The following DST variants were observed in gnomAD, a reference collection of about 807,000 sequenced individuals.
DST encodes dystonin, also known as bullous pemphigoid antigen.
DST carries 253 observed loss-of-function variants against 875.2 expected under a neutral mutation model. That is an observed-to-expected ratio of 0.29 (90% CI 0.26 to 0.32). DST has a LOEUF of 0.32. Ranked by LOEUF, DST falls within the 10% of genes least tolerant of loss-of-function variation. The pLI is 1.00. For synonymous variants in DST, 3,124 were observed against 3,197.1 expected (o/e 0.98, Z 0.77); for missense variants, 8,287 against 9,111.6 (o/e 0.91, Z 3.68).
intron 32 of DST, among the ~76,000 whole-genome samples, chr6:56,629,006 C>T (rs965731439): frequency 1.3e-5 from 2 of 152,016 alleles, no homozygotes; most frequent in Non-Finnish European, 2.9e-5. Flanking sequence ...TCAGAAAAGG[C>T]AAGCAGATTA....
At chr6:56,557,858 A>G (rs1250933099) in intron 58 of DST, among the ~76,000 whole-genome samples, 1 of 152,158 alleles carries the variant, frequency 6.6e-6, no homozygotes, top group African/African-American at 2.4e-5. Context: ...ACAATGAACA[A>G]TAATCCTTTT....
Position 56,593,989 on chromosome 6 carries a change from C to T in DST, c.12400G>A (p.Glu4134Lys), listed in dbSNP as rs2152688788. ...TCAGCATCAAACTTTTCTAATTCTT[C>T]CTGCAGAGAGTGAGTTAACTTCATT... is the stretch of plus-strand genomic sequence containing the variant. Reference protein sequence around the residue: ...KKMKLTHSLQEELEKFDADYT... With the variant: ...KKMKLTHSLQKELEKFDADYT... Residue 4134 changes from glutamate (E) to lysine (K), a missense_variant, in exon 48 of 104, where the codon GAA (glutamate) becomes AAA (lysine). Transcript: ENST00000680361. 6.2e-7 allele frequency: 1 copy of T among 1,613,904 alleles called. No homozygotes were observed. Among genetic ancestry groups the T allele is most frequent in the Middle Eastern group, 1.7e-4 (1 of 6,060 alleles).
chr6:56,798,021 G>T lies in DST; in HGVS notation c.625+53376C>A, dbSNP rs114432632. On this transcript the variant is annotated intron_variant, in intron 4 of 103. Transcript: ENST00000680361. Reference sequence around the variant, plus strand: ...GCAGAAGAAAGATTTGAAGCTAGCAGTAGGTTCGTAAGATTTAAGGAAAGA... The same window carrying T: ...GCAGAAGAAAGATTTGAAGCTAGCATTAGGTTCGTAAGATTTAAGGAAAGA... Among the ~76,000 whole-genome samples, 378 of 152,258 alleles carry T rather than the reference G, an allele frequency of 2.5e-3. 1 individual carries two copies. The highest frequency in any genetic ancestry group is 8.8e-3 in the African/African-American group (366 of 41,554).
At chr6:56,615,772 CA>C in intron 36 of DST, 1 of 1,614,166 alleles carries the variant, frequency 6.2e-7, no homozygotes, top group Non-Finnish European at 8.5e-7. Context: ...GTGGCTCTAT[CA>C]ACCCTCCTGT....
intron 36 of DST, chr6:56,620,633 C>T: frequency 6.2e-7 from 1 of 1,614,120 alleles, no homozygotes; most frequent in Non-Finnish European, 8.5e-7. Flanking sequence ...TGTAAGTTTG[C>T]TATTCTCAAG....
chr6:56,820,346 T>G (rs2153046146), intron 4 of DST, among the ~76,000 whole-genome samples: 1 of 152,330 alleles, frequency 6.6e-6, no homozygotes, highest in Non-Finnish European at 1.5e-5. Context: ...CATAACAACT[T>G]GAGAGTGGAC....
intron 45 of DST, 110 bp from the exon 46 acceptor site, chr6:56,598,819 T>C (rs1385908609): frequency 4.1e-6 from 2 of 490,286 alleles, no homozygotes; most frequent in East Asian, 6.5e-5. Flanking sequence ...CTAGTATATG[T>C]AGCTTGAATA....
intron 4 of DST, among the ~76,000 whole-genome samples, chr6:56,756,334 C>T: frequency 6.6e-6 from 1 of 152,118 alleles, no homozygotes. Context: ...GGGCCAGGAA[C>T]AATCAAGCAT....
chr6:56,484,978 A>C (rs562301294), intron 88 of DST: 4 of 205,614 alleles, frequency 1.9e-5, no homozygotes, highest in East Asian at 2.7e-4. Context: ...ATTTTATTAC[A>C]TAATTGTTTA....
chr6:56,864,497 T>C (rs1772962981), intron 3 of DST, among the ~76,000 whole-genome samples: 1 of 141,622 alleles, frequency 7.1e-6, no homozygotes, highest in Non-Finnish European at 1.5e-5. Flanking sequence ...TACAGTTTTA[T>C]GGAAAGTAGG....
At chr6:56,760,944 C>T (rs1319475217) in intron 4 of DST, among the ~76,000 whole-genome samples, 1 of 152,254 alleles carries the variant, frequency 6.6e-6, no homozygotes, top group Non-Finnish European at 1.5e-5. Flanking sequence ...CTTCTCCCTT[C>T]AAGAGCTAAT....
rs2098742877 is a variant in DST at position 56,627,192 on chromosome 6, G to T, written c.4722+12C>A. On this transcript the variant is annotated intron_variant, in intron 34 of 103. Transcript: ENST00000680361. ...AATATTAAATTTTACTAAAGTTAAT[G>T]AATCTTCCTACCTTCACTGTAGCTG... 1 of 1,588,444 alleles carries T rather than the reference G, an allele frequency of 6.3e-7. No homozygotes were observed.
Position 56,606,181 on chromosome 6 carries a change from CCTT to C in DST, c.8444_8446del (p.Glu2815del), listed in dbSNP as rs1327757306. 6.3e-7 allele frequency: 1 copy of C among 1,590,696 alleles called. No homozygotes were observed. Among genetic ancestry groups the C allele is most frequent in the East Asian group, 2.3e-5 (1 of 44,058 alleles). On this transcript the variant is annotated inframe_deletion, in exon 40 of 104. Transcript: ENST00000680361. ...TCCATTCTCATCTCTTATACCTCCT[CCTT>C]CTTCATCAATGCCATCATCATCATC...
chr6:56,916,778 T>TCTCTCA (rs1470233953), intron 2 of DST, among the ~76,000 whole-genome samples: 270 of 91,354 alleles, frequency 3.0e-3, no homozygotes, highest in East Asian at 0.01. Context: ...TCTCTCTCTC[T>TCTCTCA]CACACACACA....
At chr6:56,537,040 A>G (rs2097017515) in intron 61 of DST, 100 bp from the exon 62 acceptor site, 1 of 1,026,542 alleles carries the variant, frequency 9.7e-7, no homozygotes, top group South Asian at 1.7e-5. Flanking sequence ...GAAACCATCA[A>G]TTATTACAGA....
At chr6:56,567,651 T>C (rs897144795) in intron 55 of DST, among the ~76,000 whole-genome samples, 2 of 151,622 alleles carry the variant, frequency 1.3e-5, no homozygotes, top group African/African-American at 4.8e-5. Context: ...GTCCCTGAAA[T>C]AGGATTAATA....
intron 29 of DST, 81 bp downstream of exon 29, chr6:56,631,802 G>T: frequency 1.5e-6 from 2 of 1,340,166 alleles, no homozygotes; most frequent in South Asian, 1.2e-5. Context: ...GTGCAAAACT[G>T]AACATTAAGA....
chr6:56,774,389 T>G (rs1376677911), intron 4 of DST, among the ~76,000 whole-genome samples: 3 of 152,114 alleles, frequency 2.0e-5, no homozygotes, highest in Non-Finnish European at 4.4e-5. Flanking sequence ...ACCCATAGCT[T>G]AAAACCAAAC....
At chr6:56,642,288 A>T in intron 16 of DST, 122 bp downstream of exon 16, 3 of 898,920 alleles carry the variant, frequency 3.3e-6, no homozygotes, top group Non-Finnish European at 5.5e-6. Flanking sequence ...TCTTTAACAA[A>T]CTTTAAGTTT....
Sources: gnomAD v4.1 joint callset for allele counts (sites outside exome capture counted in the v4.1 genomes callset) on GRCh38, gnomAD v4.1.1 for gene constraint, MANE v1.5 for transcripts, NCBI Gene and HGNC (gene_info 2026-07-23, HGNC 2026-07-21) for gene names.